Variants in DCDC2 observed in about 807,000 individuals in gnomAD.
DCDC2 encodes doublecortin domain-containing protein 2.
A neutral mutation model predicts 50.2 loss-of-function variants in DCDC2; 40 were observed. The observed-to-expected ratio is 0.80, with a 90% CI of 0.62 to 1.04. The LOEUF is 1.04. Among genes scored for constraint, DCDC2 ranks in the 50% least tolerant of loss-of-function variants. The pLI is 0.00. For synonymous variants in DCDC2, 234 were observed against 210.6 expected, an observed-to-expected ratio of 1.11 and a Z score of -0.96; for missense variants, 570 against 581.9, an observed-to-expected ratio of 0.98 and a Z score of 0.21.
intron 7 of DCDC2, among the ~76,000 whole-genome samples, chr6:24,259,129 A>G (rs1012836487): frequency 9.9e-6 from 1 of 101,268 alleles, no homozygotes; most frequent in African/African-American, 2.5e-5. Context: ...GATACAAGAC[A>G]TGTGAAAAAA....
rs192039265 is a variant in DCDC2, at chr6:24,176,668, A to C, written c.1326+1662T>G. Among the ~76,000 whole-genome samples the C allele has an allele frequency of 2.1e-3, 324 of 152,302 alleles. 1 individual carries two copies. The highest frequency in any genetic ancestry group is 7.0e-3 in the African/African-American group (289 of 41,560). Reference sequence around the variant, plus strand: ...TTAGTGATTTTCAAGTATACAATACATTGTTATTATACGTTAGACACCTTA... The same window carrying C: ...TTAGTGATTTTCAAGTATACAATACCTTGTTATTATACGTTAGACACCTTA... On this transcript the variant is annotated intron_variant, in intron 9 of 9. Coordinates refer to ENST00000378454, the MANE Select transcript of DCDC2 (RefSeq NM_016356.5).
upstream of DCDC2, among the ~76,000 whole-genome samples, chr6:24,361,460 A>C (rs72833047): frequency 8.2e-4 from 125 of 152,312 alleles, no homozygotes; most frequent in Admixed American, 4.2e-3. Context: ...CAAATTTCAA[A>C]AGAAGGCCAA....
chr6:24,336,913 T>G (rs912683413), intron 2 of DCDC2, among the ~76,000 whole-genome samples: 1 of 152,144 alleles, frequency 6.6e-6, no homozygotes, highest in Non-Finnish European at 1.5e-5. Context: ...TTTCTAATCC[T>G]CACAATAATT....
intron 4 of DCDC2, among the ~76,000 whole-genome samples, chr6:24,292,370 G>A (rs1004414825): frequency 5.9e-5 from 9 of 151,422 alleles, no homozygotes; most frequent in Admixed American, 4.6e-4. Flanking sequence ...TGACCTGTCA[G>A]CTTGTTTCCT....
intron 7 of DCDC2, among the ~76,000 whole-genome samples, chr6:24,219,548 C>T (rs28496183): frequency 2.6e-5 from 4 of 152,108 alleles, no homozygotes; most frequent in African/African-American, 7.2e-5. Flanking sequence ...ATCAGTTTAA[C>T]GGGGTGCAAC....
At chr6:24,382,404 G>A in the DCDC2 span, among the ~76,000 whole-genome samples, 1 of 151,946 alleles carries the variant, frequency 6.6e-6, no homozygotes, top group Non-Finnish European at 1.5e-5. Context: ...CAGAAGCAAT[G>A]TTTAAAAAAA....
At chr6:24,244,713 T>C (rs1255153552) in intron 7 of DCDC2, among the ~76,000 whole-genome samples, 2 of 152,144 alleles carry the variant, frequency 1.3e-5, no homozygotes, top group Non-Finnish European at 2.9e-5. Flanking sequence ...TCCCCCGGGG[T>C]GCCCAAGCCT....
chr6:24,292,839 A>C lies in DCDC2; in HGVS notation c.558-1761T>G, dbSNP rs965687164. ...GCAGCACCTTTGGCCTCCACCCACTAAACAGTAGCAGTAGCCACCCCATCC... is the reference window on the plus strand; with the variant it reads ...GCAGCACCTTTGGCCTCCACCCACTCAACAGTAGCAGTAGCCACCCCATCC... On this transcript the variant is annotated intron_variant, in intron 4 of 9. Coordinates refer to ENST00000378454, the MANE Select transcript of DCDC2 (RefSeq NM_016356.5). 6.6e-5 allele frequency among the ~76,000 whole-genome samples: 10 copies of C among 152,320 alleles called. No individual in the cohort carries two copies. The South Asian group carries it at 2.1e-3, about 32-fold the overall frequency.
At chr6:24,283,168 T>G (rs1436112678) in intron 6 of DCDC2, among the ~76,000 whole-genome samples, 2 of 152,360 alleles carry the variant, frequency 1.3e-5, no homozygotes, top group East Asian at 3.9e-4. Context: ...ACCTTGTCAC[T>G]AGAAAACAGC....
At chr6:24,375,324 G>A in the DCDC2 span, among the ~76,000 whole-genome samples, 2 of 152,068 alleles carry the variant, frequency 1.3e-5, no homozygotes, top group Non-Finnish European at 2.9e-5. Flanking sequence ...GAGCCTATGA[G>A]GCCGGGTCAC....
At chr6:24,293,718 C>G (rs80091487) in intron 4 of DCDC2, among the ~76,000 whole-genome samples, 4,145 of 152,302 alleles carry the variant, frequency 0.027, 165 homozygotes, top group African/African-American at 0.09. Context: ...TATCCCAAAA[C>G]AGAATATACA....
At chr6:24,336,087 TC>T (rs2127243796) in intron 2 of DCDC2, among the ~76,000 whole-genome samples, 1 of 152,262 alleles carries the variant, frequency 6.6e-6, no homozygotes, top group East Asian at 1.9e-4. Flanking sequence ...ATATCCACTG[TC>T]AAAAGTTGGG....
At chr6:24,184,069 G>A (rs781265992) in intron 8 of DCDC2, among the ~76,000 whole-genome samples, 5 of 152,180 alleles carry the variant, frequency 3.3e-5, no homozygotes, top group Non-Finnish European at 5.9e-5. Flanking sequence ...GAGAGTAAAT[G>A]AGAAATCGCA....
intron 7 of DCDC2, among the ~76,000 whole-genome samples, chr6:24,227,502 TCAAAAGAGTTA>T (rs1388115976): frequency 1.3e-5 from 2 of 152,130 alleles, no homozygotes; most frequent in African/African-American, 4.8e-5. Flanking sequence ...GCCAGACCCG[TCAAAAGAGTTA>T]CACTGTGGAG....
chr6:24,357,440 TG>T lies in DCDC2; in HGVS notation c.293+17del. 6.3e-7 allele frequency: 1 copy of T among 1,580,996 alleles called. No individual in the cohort carries two copies. On this transcript the variant is annotated intron_variant, in intron 1 of 9. Transcript: ENST00000378454. ...ATAGGGCACCTAAATGGGTGGGCGG[TG>T]GGGGAGACCGACTCACTTGAGTTTC... is the stretch of plus-strand genomic sequence containing the variant.
upstream of DCDC2, among the ~76,000 whole-genome samples, chr6:24,358,914 A>ATATTATATATAT (rs1760557382): frequency 2.2e-3 from 79 of 35,980 alleles, 4 homozygotes; most frequent in African/African-American, 9.2e-3. Context: ...ATTATATATT[A>ATATTATATATAT]TATATATTAT....
chr6:24,358,553 T>C (rs1760527735), upstream of DCDC2, among the ~76,000 whole-genome samples: 1 of 138,500 alleles, frequency 7.2e-6, no homozygotes, highest in Non-Finnish European at 1.5e-5. Flanking sequence ...GGCAGGGTAT[T>C]CGCCTGTGGA....
chr6:24,289,968 CT>C, intron 5 of DCDC2, among the ~76,000 whole-genome samples: 1 of 100,824 alleles, frequency 9.9e-6, no homozygotes, highest in East Asian at 3.1e-4. Context: ...GGCCAGAGCT[CT>C]TCTTTTTTTT....
At chr6:24,372,553 T>G in the DCDC2 span, among the ~76,000 whole-genome samples, 1 of 152,212 alleles carries the variant, frequency 6.6e-6, no homozygotes, top group Admixed American at 6.5e-5. Flanking sequence ...TAAGAAAATG[T>G]GGCACATATA....
Sources: gnomAD v4.1 joint callset for allele counts (sites outside exome capture counted in the v4.1 genomes callset) on GRCh38, gnomAD v4.1.1 for gene constraint, MANE v1.5 for transcripts, NCBI Gene and HGNC (gene_info 2026-07-23, HGNC 2026-07-21) for gene names.